The following TTC28 variants were observed in gnomAD, a reference collection of about 807,000 sequenced individuals.
TTC28 encodes tetratricopeptide repeat protein 28.
Under a neutral mutation model 198.0 loss-of-function variants are expected in TTC28, and 61 were observed. The observed-to-expected ratio is 0.31, with a 90% CI of 0.25 to 0.38. TTC28 has a LOEUF of 0.38. Ranked by LOEUF, TTC28 falls within the 10% of genes least tolerant of loss-of-function variation. The pLI is 1.00. For missense variants in TTC28, 2,678 were observed against 3,164.0 expected (o/e 0.85, Z 3.69); for synonymous variants, 1,171 against 1,297.8 (o/e 0.90, Z 2.10).
intron 2 of TTC28, among the ~76,000 whole-genome samples, chr22:28,572,972 G>A (rs1234392261): frequency 6.6e-6 from 1 of 152,090 alleles, no homozygotes; most frequent in Admixed American, 6.5e-5. Flanking sequence ...AACACAGGGA[G>A]ACCCTATGTC....
At chr22:28,554,641 C>G (rs2049758325) in intron 2 of TTC28, among the ~76,000 whole-genome samples, 1 of 152,060 alleles carries the variant, frequency 6.6e-6, no homozygotes, top group African/African-American at 2.4e-5. Context: ...GAGGCTGAGG[C>G]AAGCAGATCA....
intron 6 of TTC28, among the ~76,000 whole-genome samples, chr22:28,115,204 G>A (rs953343992): frequency 2.0e-5 from 3 of 151,776 alleles, no homozygotes; most frequent in Non-Finnish European, 2.9e-5. Flanking sequence ...CCTGTGACCC[G>A]GGCTGAAGTC....
chr22:28,238,883 C>G (rs528850199), intron 5 of TTC28, among the ~76,000 whole-genome samples: 1 of 152,316 alleles, frequency 6.6e-6, no homozygotes, highest in South Asian at 2.1e-4. Context: ...CCCTTCCTGT[C>G]TCTGTTCCAC....
chr22:28,239,286 T>C (rs1455110706), intron 5 of TTC28, among the ~76,000 whole-genome samples: 1 of 152,158 alleles, frequency 6.6e-6, no homozygotes, highest in Non-Finnish European at 1.5e-5. Flanking sequence ...TGGTAGCCAA[T>C]AGCCACATGT....
intron 2 of TTC28, among the ~76,000 whole-genome samples, chr22:28,345,355 AT>A (rs929761647): frequency 6.6e-6 from 1 of 152,172 alleles, no homozygotes; most frequent in African/African-American, 2.4e-5. Flanking sequence ...AATGCTAATA[AT>A]CACCCCCTAA....
rs1382142818 is a variant in TTC28, at chr22:28,558,915, A to G, written c.381+70637T>C. On this transcript the variant is annotated intron_variant, in intron 2 of 22. Coordinates refer to ENST00000397906, the MANE Select transcript of TTC28 (RefSeq NM_001145418.2). ...CTGGGTATGGTGGCGGGCACCTGTA[A>G]TCCCAGCTACTCAGGAGGCTAAGGC... Among the ~76,000 whole-genome samples, 4 of 151,358 alleles carry G rather than the reference A, an allele frequency of 2.6e-5. No individual in the cohort carries two copies. The East Asian group carries it at 7.8e-4, about 30-fold the overall frequency.
chr22:28,144,083 GC>G (rs1943404420), intron 6 of TTC28, among the ~76,000 whole-genome samples: 1 of 152,200 alleles, frequency 6.6e-6, no homozygotes, highest in South Asian at 2.1e-4. Flanking sequence ...TATTTCCTGA[GC>G]CTGTACTGTG....
chr22:27,990,388 G>A (rs1051876809), intron 20 of TTC28, among the ~76,000 whole-genome samples: 39 of 152,216 alleles, frequency 2.6e-4, no homozygotes, highest in African/African-American at 9.4e-4. Flanking sequence ...GGATGGCGAA[G>A]TGGAACCCGG....
intron 5 of TTC28, among the ~76,000 whole-genome samples, chr22:28,217,179 T>C (rs998012969): frequency 6.6e-6 from 1 of 152,126 alleles, no homozygotes; most frequent in Non-Finnish European, 1.5e-5. Flanking sequence ...TCTCTCCTAA[T>C]AGCTGAGTGT....
chr22:28,577,565 G>T (rs1039416416), intron 2 of TTC28, among the ~76,000 whole-genome samples: 37 of 152,006 alleles, frequency 2.4e-4, no homozygotes, highest in African/African-American at 8.9e-4. Flanking sequence ...AAAGTGAGGT[G>T]ATGAAGTCTC....
intron 1 of TTC28, among the ~76,000 whole-genome samples, chr22:28,656,720 A>C (rs144618589): frequency 2.0e-5 from 3 of 152,288 alleles, no homozygotes; most frequent in Non-Finnish European, 4.4e-5. Flanking sequence ...GTGTAATAAT[A>C]ACAAAAACAA....
chr22:28,652,480 C>T (rs899033565), intron 1 of TTC28, among the ~76,000 whole-genome samples: 1 of 152,156 alleles, frequency 6.6e-6, no homozygotes. Context: ...TAATCTTAGT[C>T]TATTTAGTTA....
chr22:27,990,037 T>C, intron 20 of TTC28, 30 bp from the exon 21 acceptor site: 3 of 1,538,838 alleles, frequency 1.9e-6, no homozygotes, highest in Non-Finnish European at 2.6e-6. Flanking sequence ...GTGAGCACCC[T>C]GTGTCTCCTT....
At chr22:28,281,398 TA>T (rs35752085) in intron 5 of TTC28, among the ~76,000 whole-genome samples, 81,550 of 151,798 alleles carry the variant, frequency 0.54, 22,320 homozygotes, top group African/African-American at 0.62. Flanking sequence ...CATCAATGAC[TA>T]ATTTGATTTT....
chr22:28,061,410 G>A (rs2146737864), intron 12 of TTC28, among the ~76,000 whole-genome samples: 1 of 152,246 alleles, frequency 6.6e-6, no homozygotes, highest in South Asian at 2.1e-4. Flanking sequence ...TGTAAGGAAG[G>A]GGTCCAGTTT....
At chr22:28,627,942 G>A (rs1043131298) in intron 2 of TTC28, among the ~76,000 whole-genome samples, 6 of 152,006 alleles carry the variant, frequency 3.9e-5, no homozygotes, top group Admixed American at 6.6e-5. Context: ...GTCTCATCCT[G>A]TTGCCCAGGC....
rs766762462 is a variant in TTC28 at position 28,098,983 on chromosome 22, T to C, written c.3479A>G (p.Tyr1160Cys). The change falls in exon 10 of 23, where the codon TAC becomes TGC. Residue 1160 changes from tyrosine to cysteine, a missense_variant. Physicochemically the swap from Tyr to Cys is radical, Grantham distance 194. Transcript: ENST00000397906. ...CTGCAGGTCAAAGAGGGAGAGTTTG[T>C]AGTCCGTGCTCAGCTGTGCCTCATG... ...IRHEAQLSTD[Y>C]KLSLFDLQTS... The C allele has an allele frequency of 1.3e-6, 2 of 1,551,796 alleles. No individual in the cohort carries two copies. Among genetic ancestry groups the C allele is most frequent in the Non-Finnish European group, 1.7e-6 (2 of 1,147,048 alleles).
At chr22:28,302,717 C>T (rs1367127306) in intron 3 of TTC28, among the ~76,000 whole-genome samples, 2 of 152,044 alleles carry the variant, frequency 1.3e-5, no homozygotes, top group African/African-American at 2.4e-5. Flanking sequence ...GTCTGTCACC[C>T]GGGCTGGTGT....
chr22:28,031,787 T>C (rs1939086873), intron 12 of TTC28, among the ~76,000 whole-genome samples: 1 of 152,174 alleles, frequency 6.6e-6, no homozygotes, highest in Admixed American at 6.5e-5. Context: ...ATTTGGGATG[T>C]GTTTGTGAGG....
Sources: gnomAD v4.1 joint callset for allele counts (sites outside exome capture counted in the v4.1 genomes callset) on GRCh38, gnomAD v4.1.1 for gene constraint, MANE v1.5 for transcripts, NCBI Gene and HGNC (gene_info 2026-07-23, HGNC 2026-07-21) for gene names.